Variants in PLSCR2 observed in about 807,000 individuals in gnomAD.
PLSCR2 encodes phospholipid scramblase 2, also known as PL scramblase 2.
Under a neutral mutation model 25.3 loss-of-function variants are expected in PLSCR2, and 18 were observed. That is an observed-to-expected ratio of 0.71 (90% CI 0.49 to 1.06). PLSCR2 has a LOEUF of 1.06. Ranked by LOEUF, PLSCR2 falls within the 50% of genes least tolerant of loss-of-function variation. The pLI is 0.00. For synonymous variants in PLSCR2, 88 were observed against 87.3 expected (o/e 1.01, Z -0.04); for missense variants, 243 against 269.5 (o/e 0.90, Z 0.69).
At chr3:146,444,158 TA>T (rs1247684955) in intron 6 of PLSCR2, among the ~76,000 whole-genome samples, 3 of 152,052 alleles carry the variant, frequency 2.0e-5, no homozygotes, top group African/African-American at 7.2e-5. Context: ...AAAGAATCTT[TA>T]AGGCTTTTTT....
At chr3:146,401,049 A>T (rs2038455355) in intron 2 of PLSCR2, among the ~76,000 whole-genome samples, 1 of 152,044 alleles carries the variant, frequency 6.6e-6, no homozygotes, top group Non-Finnish European at 1.5e-5. Context: ...TAGAGTTTCT[A>T]TAGGAAACAC....
At chr3:146,411,485 C>T (rs1178791305) in intron 2 of PLSCR2, among the ~76,000 whole-genome samples, 1 of 152,218 alleles carries the variant, frequency 6.6e-6, no homozygotes, top group Non-Finnish European at 1.5e-5. Context: ...GACGGTCACT[C>T]TTCGGGGACC....
exon 6 of PLSCR2, chr3:146,449,326 A>G: frequency 2.5e-6 from 4 of 1,608,008 alleles, no homozygotes; most frequent in Non-Finnish European, 3.4e-6. Context: ...ACCAGTGCTT[A>G]GAAATCCTGC....
At chr3:146,487,945 A>G (rs2043405859) in intron 1 of PLSCR2, among the ~76,000 whole-genome samples, 1 of 152,176 alleles carries the variant, frequency 6.6e-6, no homozygotes, top group South Asian at 2.1e-4. Context: ...TATAGTAACC[A>G]AAACAGCAAG....
chr3:146,444,155 C>A (rs1359757510), intron 6 of PLSCR2, among the ~76,000 whole-genome samples: 1 of 151,816 alleles, frequency 6.6e-6, no homozygotes, highest in Non-Finnish European at 1.5e-5. Context: ...TTTAAAGAAT[C>A]TTTAAGGCTT....
downstream of PLSCR2, among the ~76,000 whole-genome samples, chr3:146,437,076 T>C (rs778520315): frequency 2.6e-5 from 4 of 152,160 alleles, no homozygotes; most frequent in Non-Finnish European, 4.4e-5. Context: ...ATGGATTACG[T>C]TTATTGATTT....
exon 1 of PLSCR2, chr3:146,460,302 CT>C: frequency 1.9e-6 from 2 of 1,033,180 alleles, no homozygotes; most frequent in Non-Finnish European, 2.5e-6. Context: ...TAGAGTCGGC[CT>C]AGAGCTTTAC....
intron 3 of PLSCR2, among the ~76,000 whole-genome samples, chr3:146,395,127 G>A (rs555389989): frequency 6.6e-6 from 1 of 152,252 alleles, no homozygotes; most frequent in East Asian, 1.9e-4. Context: ...ATGACATTAA[G>A]TGAGGATTAG....
At chr3:146,446,124 T>A (rs1285609468) in intron 6 of PLSCR2, among the ~76,000 whole-genome samples, 1 of 151,988 alleles carries the variant, frequency 6.6e-6, no homozygotes, top group Non-Finnish European at 1.5e-5. Context: ...AGTTCACATA[T>A]CTCTGCCTCC....
At chr3:146,451,656 C>T (rs188634646) in intron 5 of PLSCR2, among the ~76,000 whole-genome samples, 10 of 152,254 alleles carry the variant, frequency 6.6e-5, no homozygotes, top group Admixed American at 3.3e-4. Context: ...AAAAACCAAG[C>T]AATGCTTAGA....
downstream of PLSCR2, among the ~76,000 whole-genome samples, chr3:146,439,462 C>T (rs370939803): frequency 4.6e-5 from 7 of 152,130 alleles, no homozygotes; most frequent in African/African-American, 1.4e-4. Flanking sequence ...TTCTTGGAGG[C>T]TTTTTTCATT....
At chr3:146,409,284 G>A (rs1057081892) in intron 2 of PLSCR2, among the ~76,000 whole-genome samples, 1 of 152,134 alleles carries the variant, frequency 6.6e-6, no homozygotes, top group Non-Finnish European at 1.5e-5. Flanking sequence ...GGGTGTCATC[G>A]AGGAGACATG....
intron 2 of PLSCR2, among the ~76,000 whole-genome samples, chr3:146,414,574 C>T (rs945182848): frequency 4.0e-5 from 6 of 149,494 alleles, no homozygotes; most frequent in African/African-American, 7.3e-5. Flanking sequence ...GAATCGCTAA[C>T]GCATAAGAAA....
At chr3:146,420,102 A>G (rs2039099809) in intron 2 of PLSCR2, among the ~76,000 whole-genome samples, 1 of 151,930 alleles carries the variant, frequency 6.6e-6, no homozygotes, top group Admixed American at 6.6e-5. Context: ...AGATTTTCCC[A>G]TTTTTCTTGA....
chr3:146,462,088 T>C (rs1033033239), upstream of PLSCR2: 9 of 502,828 alleles, frequency 1.8e-5, no homozygotes, highest in African/African-American at 1.6e-4. Flanking sequence ...CTGATATTAA[T>C]ATGCTGTCTA....
intron 2 of PLSCR2, among the ~76,000 whole-genome samples, chr3:146,400,738 CT>C (rs953500165): frequency 2.6e-5 from 4 of 151,566 alleles, no homozygotes; most frequent in African/African-American, 9.7e-5. Flanking sequence ...TACTCTACAG[CT>C]GGTATTATGC....
At chr3:146,477,700 C>A (rs762340524) in intron 1 of PLSCR2, among the ~76,000 whole-genome samples, 2 of 152,224 alleles carry the variant, frequency 1.3e-5, no homozygotes, top group Non-Finnish European at 2.9e-5. Flanking sequence ...CAGACTTAAA[C>A]ACCCTGTCTG....
intron 1 of PLSCR2, among the ~76,000 whole-genome samples, chr3:146,475,356 C>CG (rs1490874874): frequency 2.0e-5 from 3 of 151,838 alleles, no homozygotes; most frequent in Non-Finnish European, 4.4e-5. Context: ...GCCATTTTTG[C>CG]GGGGGTCATT....
At chr3:146,493,771 G>A (rs904764473) in intron 1 of PLSCR2, among the ~76,000 whole-genome samples, 6 of 125,932 alleles carry the variant, frequency 4.8e-5, no homozygotes, top group Non-Finnish European at 1.0e-4. Context: ...CTGTTTTTCA[G>A]TCCAAGGTGG....
Sources: allele counts gnomAD v4.1 joint callset (sites outside exome capture counted in the v4.1 genomes callset), GRCh38; gene constraint gnomAD v4.1.1; transcripts MANE v1.5; gene names NCBI Gene and HGNC (gene_info 2026-07-23, HGNC 2026-07-21).